Variants in GPHN observed in about 807,000 individuals in gnomAD.
The protein encoded by GPHN is gephyrin.
GPHN carries 17 observed loss-of-function variants against 95.5 expected under a neutral mutation model. That is an observed-to-expected ratio of 0.18 (90% CI 0.12 to 0.27). The LOEUF is 0.27. Ranked by LOEUF, GPHN falls within the 10% of genes least tolerant of loss-of-function variation. GPHN has a pLI of 1.00. For synonymous variants in GPHN, 320 were observed against 322.5 expected, an observed-to-expected ratio of 0.99 and a Z score of 0.08; for missense variants, 660 against 978.1, an observed-to-expected ratio of 0.67 and a Z score of 4.34.
the GPHN span, chr14:67,557,388 C>T: frequency 1.2e-6 from 2 of 1,613,788 alleles, no homozygotes; most frequent in South Asian, 1.1e-5. Context: ...ATGAGCTCAT[C>T]AGCCAGCTAG....
the GPHN span, among the ~76,000 whole-genome samples, chr14:67,393,517 G>T: frequency 2.0e-5 from 3 of 152,090 alleles, no homozygotes; most frequent in Non-Finnish European, 4.4e-5. Flanking sequence ...GCAGTGGCAA[G>T]ATCTCGGCTA....
At chr14:67,077,640 G>A (rs1401046911) in intron 11 of GPHN, among the ~76,000 whole-genome samples, 2 of 151,982 alleles carry the variant, frequency 1.3e-5, no homozygotes, top group Non-Finnish European at 2.9e-5. Flanking sequence ...CATTTGAATC[G>A]ATAAAGACTT....
the GPHN span, among the ~76,000 whole-genome samples, chr14:67,464,288 C>G: frequency 9.2e-5 from 14 of 152,278 alleles, no homozygotes; most frequent in East Asian, 2.7e-3. Context: ...TACCTGGGAC[C>G]CCAGGCTCTC....
At chr14:67,118,836 TA>T (rs1212786922) in intron 16 of GPHN, among the ~76,000 whole-genome samples, 2 of 152,238 alleles carry the variant, frequency 1.3e-5, no homozygotes, top group African/African-American at 4.8e-5. Context: ...GAGCGTTTCT[TA>T]TATTTTTCTT....
In GPHN at chr14:67,025,541, A is replaced by T. The variant is rs894709930; in HGVS notation, c.1006+1866A>T. On this transcript the variant is annotated intron_variant, in intron 10 of 22. Coordinates refer to ENST00000478722, the MANE Select transcript of GPHN (RefSeq NM_020806.5). ...ATATGAACAAAATTGTTTATTTAAA[A>T]GGAGCCTGAGAATAAAAAGGAAACA... 2.6e-5 allele frequency among the ~76,000 whole-genome samples: 4 copies of T among 152,238 alleles called. No homozygotes were observed. In the East Asian group the frequency reaches 7.7e-4, roughly 29 times the overall value.
chr14:67,111,668 T>C (rs2078381997), intron 14 of GPHN, among the ~76,000 whole-genome samples, 193 bp from the exon 15 acceptor site: 1 of 152,182 alleles, frequency 6.6e-6, no homozygotes, highest in Non-Finnish European at 1.5e-5. Context: ...TTTTTATTTA[T>C]TGGCACCAAA....
the GPHN span, among the ~76,000 whole-genome samples, chr14:67,265,714 A>T: frequency 6.6e-6 from 1 of 151,752 alleles, no homozygotes; most frequent in Non-Finnish European, 1.5e-5. Flanking sequence ...AAAATTAACC[A>T]GTTGCAGTGA....
chr14:67,388,490 C>T, the GPHN span, among the ~76,000 whole-genome samples: 1 of 152,176 alleles, frequency 6.6e-6, no homozygotes, highest in Non-Finnish European at 1.5e-5. Flanking sequence ...CTCTTCATTT[C>T]ACAGCCAGCA....
chr14:66,881,763 G>A (rs555114974), intron 5 of GPHN, among the ~76,000 whole-genome samples: 1 of 151,752 alleles, frequency 6.6e-6, no homozygotes, highest in Non-Finnish European at 1.5e-5. Flanking sequence ...GCACTGGACT[G>A]CTGAGTGAAT....
At chr14:67,050,144 C>T (rs536175760) in intron 10 of GPHN, among the ~76,000 whole-genome samples, 10 of 152,192 alleles carry the variant, frequency 6.6e-5, no homozygotes, top group East Asian at 3.9e-4. Flanking sequence ...ATGCATATCT[C>T]AAAACATCAT....
chr14:67,501,255 T>C, the GPHN span, among the ~76,000 whole-genome samples: 3 of 151,958 alleles, frequency 2.0e-5, no homozygotes, highest in Admixed American at 2.0e-4. Flanking sequence ...AACGGAGGGA[T>C]TGTCTCACAG....
the GPHN span, among the ~76,000 whole-genome samples, chr14:67,321,867 T>G: frequency 6.6e-6 from 1 of 152,170 alleles, no homozygotes; most frequent in African/African-American, 2.4e-5. Flanking sequence ...TTGGTAGTAC[T>G]TTAATTTGAG....
intron 9 of GPHN, among the ~76,000 whole-genome samples, chr14:67,019,686 C>T (rs921662456): frequency 1.3e-5 from 2 of 152,214 alleles, no homozygotes; most frequent in African/African-American, 4.8e-5. Context: ...GTTATTCACA[C>T]ATTTGTACCC....
At chr14:66,679,874 A>G (rs994713478) in intron 1 of GPHN, among the ~76,000 whole-genome samples, 18 of 152,248 alleles carry the variant, frequency 1.2e-4, no homozygotes, top group Middle Eastern at 3.4e-3. Context: ...CTAACTCTAT[A>G]TCATCTGTGG....
chr14:67,571,578 G>A, the GPHN span: 17 of 590,114 alleles, frequency 2.9e-5, no homozygotes, highest in African/African-American at 1.5e-4. Flanking sequence ...AAGCATGGAG[G>A]TCATGACACA....
chr14:67,013,883 G>A (rs775568774), intron 9 of GPHN, among the ~76,000 whole-genome samples: 4 of 151,934 alleles, frequency 2.6e-5, no homozygotes, highest in Non-Finnish European at 5.9e-5. Context: ...CATGCTTAAT[G>A]AAAACGAATG....
chr14:67,545,339 C>G, the GPHN span, among the ~76,000 whole-genome samples: 2 of 152,106 alleles, frequency 1.3e-5, no homozygotes, highest in Non-Finnish European at 2.9e-5. Context: ...ACTATGCGCT[C>G]AGCTAAAAGT....
chr14:67,392,598 C>T, the GPHN span: 3 of 1,457,420 alleles, frequency 2.1e-6, no homozygotes, highest in South Asian at 3.6e-5. Context: ...CCCCAGGCCC[C>T]CATTCTGTTG....
At chr14:66,711,619 A>T (rs1245093724) in intron 2 of GPHN, among the ~76,000 whole-genome samples, 1 of 148,006 alleles carries the variant, frequency 6.8e-6, no homozygotes, top group Admixed American at 6.8e-5. Flanking sequence ...TTATACTTTA[A>T]GTTCTAGGGT....
Sources: gnomAD v4.1 joint callset for allele counts (sites outside exome capture counted in the v4.1 genomes callset) on GRCh38, gnomAD v4.1.1 for gene constraint, MANE v1.5 for transcripts, NCBI Gene and HGNC (gene_info 2026-07-23, HGNC 2026-07-21) for gene names.